LRRC75A: variants seen among roughly 807,000 people sequenced by gnomAD.
LRRC75A encodes leucine rich repeat containing 75A.
In LRRC75A, 12 loss-of-function variants were observed where a neutral mutation model predicts 26.0. That is an observed-to-expected ratio of 0.46 (90% CI 0.30 to 0.75). LRRC75A has a LOEUF of 0.75. Among genes scored for constraint, LRRC75A ranks in the 30% least tolerant of loss-of-function variants. LRRC75A has a pLI of 0.08. For missense variants in LRRC75A, 410 were observed against 486.6 expected (o/e 0.84, Z 1.48); for synonymous variants, 223 against 219.3 (o/e 1.02, Z -0.15).
chr17:16,485,956 G>C (rs1314652416), intron 1 of LRRC75A, among the ~76,000 whole-genome samples: 1 of 152,170 alleles, frequency 6.6e-6, no homozygotes, highest in Non-Finnish European at 1.5e-5. Context: ...GGTTACAGCG[G>C]GGTGGGGGAA....
At chr17:16,471,483 A>G (rs774311370) in intron 1 of LRRC75A, among the ~76,000 whole-genome samples, 4 of 152,206 alleles carry the variant, frequency 2.6e-5, no homozygotes, top group Non-Finnish European at 4.4e-5. Context: ...GATCAAGGCA[A>G]GTGGCCGGGA....
Position 16,491,983 on chromosome 17 carries a change from G to T in LRRC75A, c.8C>A (p.Thr3Asn). 8.5e-7 allele frequency: 1 copy of T among 1,183,348 alleles called. No individual in the cohort carries two copies. Among genetic ancestry groups the T allele is most frequent in the Non-Finnish European group, 1.0e-6 (1 of 960,000 alleles). 73.3% of individuals were successfully genotyped at this position (1,183,348 alleles called of 1,614,324 possible). ...CGCCAGGCTGCCCTTGGTCTGCCGG[G>T]TGCCCATGCCGCCGCCGCCCGCCGG... is the stretch of plus-strand genomic sequence containing the variant. MG[T>N]RQTKGSLAER... Residue 3 changes from threonine to asparagine, a missense_variant, in exon 1 of 4, where the codon ACC (threonine) becomes AAC (asparagine). Coordinates refer to ENST00000470794, the MANE Select transcript of LRRC75A (RefSeq NM_001113567.3). The surrounding 1 kb of genome is among the most constrained non-coding windows in gnomAD (Gnocchi z 5.9).
intron 2 of LRRC75A, among the ~76,000 whole-genome samples, chr17:16,449,981 C>A (rs1477179833): frequency 6.6e-6 from 1 of 152,142 alleles, no homozygotes; most frequent in African/African-American, 2.4e-5. Flanking sequence ...CGTGAGGCAT[C>A]CTTGAGTGAG....
chr17:16,487,992 G>A (rs1268409261), intron 1 of LRRC75A, among the ~76,000 whole-genome samples: 1 of 152,238 alleles, frequency 6.6e-6, no homozygotes, highest in South Asian at 2.1e-4. Context: ...ACCTCAGCTG[G>A]GTGTATCCCA....
In LRRC75A at chr17:16,480,642, AC is replaced by A. The variant is rs1568985404; in HGVS notation, c.246+11102del. Reference sequence around the variant, plus strand: ...GAGACTTCGTCTCAAAAAAAAAAAAACAAAAAAAAAAAACTGGAGACCACTG... The same window carrying A: ...GAGACTTCGTCTCAAAAAAAAAAAAAAAAAAAAAAAAACTGGAGACCACTG... On this transcript the variant is annotated intron_variant, in intron 1 of 3. Transcript: ENST00000470794. Among the ~76,000 whole-genome samples the A allele has an allele frequency of 1.3e-4, 20 of 149,880 alleles. 1 individual carries two copies. Among genetic ancestry groups the A allele is most frequent in the South Asian group, 4.2e-4 (2 of 4,770 alleles).
chr17:16,458,112 C>G (rs1041203728), intron 2 of LRRC75A, among the ~76,000 whole-genome samples: 1 of 152,190 alleles, frequency 6.6e-6, no homozygotes, highest in Non-Finnish European at 1.5e-5. Flanking sequence ...TGAGACCAGG[C>G]TGGCCAACAT....
intron 3 of LRRC75A, among the ~76,000 whole-genome samples, chr17:16,445,727 G>C (rs1274352768): frequency 6.6e-6 from 1 of 152,192 alleles, no homozygotes; most frequent in Non-Finnish European, 1.5e-5. Flanking sequence ...AATGCTGCCA[G>C]CCATCTGTGC....
At chr17:16,486,059 G>A (rs910895564) in intron 1 of LRRC75A, among the ~76,000 whole-genome samples, 2 of 152,200 alleles carry the variant, frequency 1.3e-5, no homozygotes, top group Admixed American at 1.3e-4. Flanking sequence ...AGAGGCTGGA[G>A]GAAGTGTGTG....
chr17:16,477,199 C>T (rs1359705632), intron 1 of LRRC75A, among the ~76,000 whole-genome samples: 1 of 152,182 alleles, frequency 6.6e-6, no homozygotes, highest in East Asian at 1.9e-4. Context: ...ATGTTAATCA[C>T]ATCTGAAAAA....
intron 1 of LRRC75A, among the ~76,000 whole-genome samples, chr17:16,466,234 G>A (rs1027531112): frequency 1.3e-5 from 2 of 152,218 alleles, no homozygotes; most frequent in African/African-American, 4.8e-5. Context: ...GTGTGAGGGA[G>A]GAGAGGTCAC....
intron 1 of LRRC75A, among the ~76,000 whole-genome samples, chr17:16,487,508 G>A (rs1005706489): frequency 2.6e-5 from 4 of 152,054 alleles, no homozygotes; most frequent in African/African-American, 7.2e-5. Context: ...GCTTGATCTC[G>A]GCTCACTGCA....
In LRRC75A at chr17:16,444,155, G is replaced by T. The variant is rs540734114; in HGVS notation, c.492-24C>A. The T allele has an allele frequency of 1.2e-5, 19 of 1,557,366 alleles. No homozygotes were observed. In the South Asian group the frequency reaches 1.9e-4, roughly 16 times the overall value. On this transcript the variant is annotated intron_variant, in intron 3 of 3. Coordinates refer to ENST00000470794, the MANE Select transcript of LRRC75A (RefSeq NM_001113567.3). Reference sequence around the variant, plus strand: ...GGCTGAAGGGAAAAAGGACAAACAAGGCTCAGGCACATAGGGCAGGCCTTT... The same window carrying T: ...GGCTGAAGGGAAAAAGGACAAACAATGCTCAGGCACATAGGGCAGGCCTTT...
At chr17:16,476,393 T>G (rs995499039) in intron 1 of LRRC75A, among the ~76,000 whole-genome samples, 2 of 151,022 alleles carry the variant, frequency 1.3e-5, no homozygotes, top group Non-Finnish European at 3.0e-5. Context: ...TTTTTTTTTG[T>G]AGAAATGGAG....
At chr17:16,456,459 AGAG>A (rs533343380) in intron 2 of LRRC75A, among the ~76,000 whole-genome samples, 94 of 138,324 alleles carry the variant, frequency 6.8e-4, no homozygotes, top group Middle Eastern at 4.1e-3. Flanking sequence ...AAGAGGAAGA[AGAG>A]GAGAAGGAGA....
At chr17:16,456,319 GAGA>G (rs149444161) in intron 2 of LRRC75A, among the ~76,000 whole-genome samples, 32,392 of 101,714 alleles carry the variant, frequency 0.32, 7,562 homozygotes, top group African/African-American at 0.4. Flanking sequence ...GGAGGAAGAG[GAGA>G]AGAAGGAAGA....
At chr17:16,463,444 C>T (rs559506281) in intron 1 of LRRC75A, 21 of 152,466 alleles carry the variant, frequency 1.4e-4, no homozygotes, top group African/African-American at 4.6e-4. Flanking sequence ...ACATTCCCAT[C>T]CGGAGACTGT....
At position 16,462,208 on chromosome 17, in the gene LRRC75A, AC is replaced by A. The variant is rs778149951; in HGVS notation, c.375+49del. ...ATACAGCTGCTCTGCCCAGAAAGGC[AC>A]CCACCGCACACCCCGGGACCTGGCT... On this transcript the variant is annotated intron_variant, in intron 2 of 3. Transcript: ENST00000470794. The surrounding 1 kb of genome is among the most constrained non-coding windows in gnomAD (Gnocchi z 4.6). 4 of 1,608,030 alleles carry A rather than the reference AC, an allele frequency of 2.5e-6. No homozygotes were observed. Among genetic ancestry groups the A allele is most frequent in the Non-Finnish European group, 3.4e-6 (4 of 1,176,892 alleles).
At chr17:16,453,342 GCACACGCA>G (rs2093651117) in intron 2 of LRRC75A, among the ~76,000 whole-genome samples, 1 of 129,000 alleles carries the variant, frequency 7.8e-6, no homozygotes, top group African/African-American at 2.7e-5. Flanking sequence ...ACGCACACAC[GCACACGCA>G]CACACACACA....
chr17:16,481,753 C>A (rs935368854), intron 1 of LRRC75A, among the ~76,000 whole-genome samples: 2 of 152,100 alleles, frequency 1.3e-5, no homozygotes, highest in Admixed American at 6.5e-5. Flanking sequence ...GAGCTACAGG[C>A]CCTCCAGACA....
Sources: gnomAD v4.1 joint callset for allele counts (sites outside exome capture counted in the v4.1 genomes callset) on GRCh38, gnomAD v4.1.1 for gene constraint, Gnocchi (gnomAD v3.1) non-coding constraint, MANE v1.5 for transcripts, NCBI Gene and HGNC (gene_info 2026-07-23, HGNC 2026-07-21) for gene names.